The following EDARADD variants were observed in gnomAD, a reference collection of about 807,000 sequenced individuals.
EDARADD encodes EDAR associated via death domain.
Under a neutral mutation model 25.6 loss-of-function variants are expected in EDARADD, and 20 were observed. The observed-to-expected ratio is 0.78, with a 90% CI of 0.55 to 1.14. The LOEUF (loss-of-function observed/expected upper bound fraction) is 1.14, where lower values mean the gene tolerates loss of function less well. EDARADD is among the 50% of genes most tolerant of loss of function. The pLI, the probability that EDARADD is intolerant of heterozygous loss-of-function variation, is 0.00. For synonymous variants in EDARADD, 86 were observed against 94.4 expected, an observed-to-expected ratio of 0.91 and a Z score of 0.52; for missense variants, 225 against 270.1, an observed-to-expected ratio of 0.83 and a Z score of 1.17.
chr1:236,468,279 A>G lies in EDARADD; in HGVS notation c.265+3A>G, dbSNP rs768049797. Reference sequence around the variant, plus strand: ...TAGCACTGGAGATCCTCTTCCAGGTAAATGATTGATTCTAAAGCTATCTGG... The same window carrying G: ...TAGCACTGGAGATCCTCTTCCAGGTGAATGATTGATTCTAAAGCTATCTGG... On this transcript the variant is annotated splice_donor_region_variant and intron_variant, in intron 5 of 5. Transcript: ENST00000334232. The G allele has an allele frequency of 1.2e-6, 2 of 1,613,996 alleles. No homozygotes were observed. The highest frequency in any genetic ancestry group is 1.7e-6 in the Non-Finnish European group (2 of 1,179,856).
intron 4 of EDARADD, among the ~76,000 whole-genome samples, chr1:236,459,616 T>C (rs1558132044): frequency 4.7e-5 from 7 of 147,802 alleles, no homozygotes; most frequent in African/African-American, 1.5e-4. Flanking sequence ...TAGCTCTTTT[T>C]TTTTTTTTTT....
chr1:236,446,196 T>C (rs532540087), intron 4 of EDARADD, among the ~76,000 whole-genome samples: 132 of 152,338 alleles, frequency 8.7e-4, no homozygotes, highest in Non-Finnish European at 1.6e-3. Context: ...TTCTCCCCTC[T>C]GTTACCCAGA....
At chr1:236,396,637 T>A (rs747778338) in intron 1 of EDARADD, among the ~76,000 whole-genome samples, 1 of 151,982 alleles carries the variant, frequency 6.6e-6, no homozygotes, top group Non-Finnish European at 1.5e-5. Flanking sequence ...AACAACTAAG[T>A]TGGCATTGTG....
intron 4 of EDARADD, among the ~76,000 whole-genome samples, chr1:236,466,795 A>T (rs1659203592): frequency 6.6e-6 from 1 of 152,208 alleles, no homozygotes; most frequent in African/African-American, 2.4e-5. Context: ...CATGCTGGGC[A>T]CTGTGGCTCA....
At position 236,480,123 on chromosome 1, in the gene EDARADD, A is replaced by ATC. The variant is rs1285126478; in HGVS notation, c.266-2143_266-2142insCT. ...TATATATATATATATATATATATAT[A>ATC]TATATATATATATCACATTTTCTTT... is the stretch of plus-strand genomic sequence containing the variant. On this transcript the variant is annotated intron_variant, in intron 5 of 5. Coordinates refer to ENST00000334232, the MANE Select transcript of EDARADD (RefSeq NM_145861.4). Among the ~76,000 whole-genome samples, 4 of 112,568 alleles carry ATC rather than the reference A, an allele frequency of 3.6e-5. No homozygotes were observed. In the South Asian group the frequency reaches 1.1e-3, roughly 32 times the overall value. 73.8% of individuals were successfully genotyped at this position (112,568 alleles called of 152,430 possible). A position where few individuals can be genotyped will look rare whatever the true frequency, so the allele number is the denominator to read the frequency against.
At chr1:236,432,376 C>T (rs1490432073) in intron 4 of EDARADD, among the ~76,000 whole-genome samples, 1 of 143,184 alleles carries the variant, frequency 7.0e-6, no homozygotes, top group African/African-American at 2.6e-5. Context: ...GAGATAGAGC[C>T]AGACCCTGCC....
intron 4 of EDARADD, among the ~76,000 whole-genome samples, chr1:236,435,871 A>G (rs1037214732): frequency 2.0e-5 from 3 of 152,222 alleles, no homozygotes; most frequent in Admixed American, 6.5e-5. Flanking sequence ...TATTGATAAC[A>G]TATGTTTGGT....
chr1:236,427,581 T>C, intron 4 of EDARADD, 131 bp downstream of exon 4: 1 of 836,696 alleles, frequency 1.2e-6, no homozygotes, highest in Admixed American at 2.6e-5. Flanking sequence ...GGTTTGCAAA[T>C]GGTCTCTAAG....
intron 3 of EDARADD, among the ~76,000 whole-genome samples, chr1:236,352,219 A>G (rs555210128): frequency 7.2e-5 from 11 of 152,172 alleles, no homozygotes; most frequent in Admixed American, 6.5e-5. Context: ...TTTCCGTCTC[A>G]ATGCCCGCTA....
chr1:236,482,186 C>G (rs1297934487), intron 5 of EDARADD, 81 bp from the exon 6 acceptor site: 2 of 1,524,328 alleles, frequency 1.3e-6, no homozygotes, highest in East Asian at 2.3e-5. Context: ...GACAATTCAG[C>G]AGGAAAATAA....
intron 3 of EDARADD, among the ~76,000 whole-genome samples, chr1:236,419,579 T>C (rs1436155244): frequency 6.6e-6 from 1 of 152,144 alleles, no homozygotes; most frequent in African/African-American, 2.4e-5. Context: ...TGGGGATGCT[T>C]GTCAACAACG....
chr1:236,447,122 CCT>C (rs1181773871), intron 4 of EDARADD, among the ~76,000 whole-genome samples: 32 of 150,798 alleles, frequency 2.1e-4, no homozygotes, highest in South Asian at 2.1e-4. Flanking sequence ...TTCCTTCCTT[CCT>C]CTCTCTCTCT....
chr1:236,477,662 C>T (rs1233928078), intron 5 of EDARADD, among the ~76,000 whole-genome samples: 1 of 151,628 alleles, frequency 6.6e-6, no homozygotes, highest in East Asian at 1.9e-4. Context: ...AGAGGAAGTT[C>T]GGTGAGAGGT....
rs144346395 is a variant in EDARADD at position 236,427,246 on chromosome 1, G to C, written c.161-146G>C. The C allele has an allele frequency of 1.4e-3, 986 of 718,642 alleles. 6 individuals carry two copies. The African/African-American group carries it at 0.015, about 11-fold the overall frequency. The allele number at this position is 718,642 out of a possible 1,614,324, so 44.5% of individuals were successfully genotyped here. On this transcript the variant is annotated intron_variant, in intron 3 of 5. Transcript: ENST00000334232. ...TATCCTTAAGAGCAGAGTTTGGAGA[G>C]GAATTTGTAGTCCAGCCCTTCTGAT...
chr1:236,375,889 AAAAG>A (rs1213600936), intron 3 of EDARADD, among the ~76,000 whole-genome samples: 2 of 151,448 alleles, frequency 1.3e-5, no homozygotes, highest in Admixed American at 6.6e-5. Flanking sequence ...CCTGTCTCTA[AAAAG>A]AAAGAAAGAA....
At chr1:236,359,650 G>A (rs983849338) in intron 3 of EDARADD, among the ~76,000 whole-genome samples, 2 of 152,236 alleles carry the variant, frequency 1.3e-5, no homozygotes, top group South Asian at 2.1e-4. Flanking sequence ...GCAAGGAGAA[G>A]CAAGTCACGT....
chr1:236,369,724 G>A (rs1667154497), intron 3 of EDARADD, among the ~76,000 whole-genome samples: 1 of 152,120 alleles, frequency 6.6e-6, no homozygotes, highest in South Asian at 2.1e-4. Context: ...TGTAATCCCA[G>A]CTACTTGGGA....
chr1:236,363,950 G>A (rs1667083359), intron 3 of EDARADD, among the ~76,000 whole-genome samples: 1 of 151,934 alleles, frequency 6.6e-6, no homozygotes. Context: ...CAGATCACTT[G>A]AGGTCAGGAG....
rs34501977 is a variant in EDARADD, at chr1:236,429,544, A to ATTT, written c.219+2104_219+2106dup. Among the ~76,000 whole-genome samples the ATTT allele has an allele frequency of 7.0e-3, 1,011 of 144,516 alleles. 12 individuals are homozygous for ATTT. Among genetic ancestry groups the ATTT allele is most frequent in the African/African-American group, 0.02 (790 of 39,588 alleles). The allele number at this position is 144,516 out of a possible 152,430, so 94.8% of individuals were successfully genotyped here. On this transcript the variant is annotated intron_variant, in intron 4 of 5. Transcript: ENST00000334232. The stretch of plus-strand genomic sequence containing the variant: ...AGGCGCCCGCCACCATGACCCGCTA[A>ATTT]TTTTTTTTTTTTGAATTTTTAGTAG...
Sources: gnomAD v4.1 joint callset for allele counts (sites outside exome capture counted in the v4.1 genomes callset) on GRCh38, gnomAD v4.1.1 for gene constraint, MANE v1.5 for transcripts, NCBI Gene and HGNC (gene_info 2026-07-23, HGNC 2026-07-21) for gene names.